Variants in FRG1 observed in about 807,000 individuals in gnomAD.
The protein encoded by FRG1 is protein FRG1.
In FRG1, 19 loss-of-function variants were observed where a neutral mutation model predicts 37.0. The ratio of observed to expected loss-of-function variants is 0.51; its 90% CI spans 0.36 to 0.75. The LOEUF (loss-of-function observed/expected upper bound fraction) is 0.75. Among genes scored for constraint, FRG1 ranks in the 30% least tolerant of loss-of-function variants. FRG1 has a pLI of 0.00. For synonymous variants in FRG1, 73 were observed against 96.5 expected, an observed-to-expected ratio of 0.76 and a Z score of 1.43; for missense variants, 243 against 301.4, an observed-to-expected ratio of 0.81 and a Z score of 1.44.
At chr4:189,958,153 C>T (rs1737069106) in intron 6 of FRG1, among the ~76,000 whole-genome samples, 1 of 151,902 alleles carries the variant, frequency 6.6e-6, no homozygotes, top group Non-Finnish European at 1.5e-5. Flanking sequence ...TCTCAACAGC[C>T]ACATAATATT....
At chr4:189,952,769 C>A (rs907113752) in intron 3 of FRG1, among the ~76,000 whole-genome samples, 4 of 144,978 alleles carry the variant, frequency 2.8e-5, no homozygotes, top group Non-Finnish European at 6.2e-5. Context: ...AAGCATTTAG[C>A]TTTTTAAATA....
chr4:189,961,978 A>C, intron 8 of FRG1, 46 bp downstream of exon 8: 1 of 970,886 alleles, frequency 1.0e-6, no homozygotes, highest in Non-Finnish European at 1.6e-6. Context: ...TAGCCAATAG[A>C]AATGGCATGT....
intron 7 of FRG1, chr4:189,961,461 G>T (rs1332124848): frequency 6.1e-6 from 1 of 163,656 alleles, no homozygotes; most frequent in Non-Finnish European, 1.3e-5. Context: ...AGACTAGAGT[G>T]CCATGGCGCG....
At chr4:189,946,707 A>G (rs577772959) in intron 2 of FRG1, among the ~76,000 whole-genome samples, 2 of 152,270 alleles carry the variant, frequency 1.3e-5, no homozygotes, top group East Asian at 1.9e-4. Context: ...TTTAATTTCT[A>G]CTACATAGAG....
chr4:189,952,633 C>T (rs367662589), intron 3 of FRG1, among the ~76,000 whole-genome samples: 3 of 151,874 alleles, frequency 2.0e-5, no homozygotes, highest in African/African-American at 4.8e-5. Flanking sequence ...AACCTGGGTG[C>T]GTTTAACAGT....
intron 2 of FRG1, among the ~76,000 whole-genome samples, chr4:189,945,867 C>G (rs1408350274): frequency 6.6e-6 from 1 of 152,048 alleles, no homozygotes; most frequent in Non-Finnish European, 1.5e-5. Context: ...TAGAATTCAC[C>G]AGTGAAGTCA....
At chr4:189,946,563 T>C (rs1441069407) in intron 2 of FRG1, among the ~76,000 whole-genome samples, 1 of 152,194 alleles carries the variant, frequency 6.6e-6, no homozygotes, top group East Asian at 1.9e-4. Flanking sequence ...GGGAGTTAGA[T>C]CTCTTCATTC....
rs111836485 is a variant in FRG1, at chr4:189,946,250, A to G, written c.133+2978A>G. Among the ~76,000 whole-genome samples, 97 of 151,554 alleles carry G rather than the reference A, an allele frequency of 6.4e-4. 1 individual carries two copies. The highest frequency in any genetic ancestry group is 1.9e-3 in the African/African-American group (80 of 41,342). On this transcript the variant is annotated intron_variant, in intron 2 of 8. Transcript: ENST00000226798. ...AATCTTTTAGCTTCCCTGGGCCACA[A>G]TGAAAGGAGAGGAATTGTCTTGGGC... is the stretch of plus-strand genomic sequence containing the variant.
intron 5 of FRG1, 50 bp downstream of exon 5, chr4:189,955,201 T>A (rs763970390): frequency 7.3e-6 from 8 of 1,100,670 alleles, no homozygotes; most frequent in Non-Finnish European, 1.1e-5. Flanking sequence ...TAACAGAAAG[T>A]CTGTTAACAG....
At chr4:189,946,689 A>G (rs7376021) in intron 2 of FRG1, among the ~76,000 whole-genome samples, 2 of 152,118 alleles carry the variant, frequency 1.3e-5, no homozygotes, top group African/African-American at 4.8e-5. Flanking sequence ...ATTTAAAAGT[A>G]TATTGTTTTT....
intron 2 of FRG1, among the ~76,000 whole-genome samples, chr4:189,950,383 T>C (rs375385900): frequency 1.3e-5 from 2 of 152,306 alleles, no homozygotes; most frequent in East Asian, 3.9e-4. Flanking sequence ...TGAAGTCCAG[T>C]TTGTCCACGT....
intron 2 of FRG1, among the ~76,000 whole-genome samples, chr4:189,945,698 A>G (rs572759323): frequency 0.038 from 5,731 of 151,498 alleles, 136 homozygotes; most frequent in Non-Finnish European, 0.06. Context: ...TTGATGGGAG[A>G]TATTGGACTT....
chr4:189,957,935 CTTTG>C (rs1465155348), intron 6 of FRG1, among the ~76,000 whole-genome samples: 2 of 152,150 alleles, frequency 1.3e-5, no homozygotes, highest in East Asian at 3.9e-4. Context: ...TCGTCTTTCC[CTTTG>C]TTTTTTTATA....
In FRG1 at chr4:189,961,903, T is replaced by A. The variant is rs144871207; in HGVS notation, c.711T>A (p.Asp237Glu). Residue 237 changes from aspartate (D) to glutamate (E), a missense_variant, in exon 8 of 9, where the codon GAT becomes GAA. By Grantham distance (45) the Asp-to-Glu change is conservative. Coordinates refer to ENST00000226798, the MANE Select transcript of FRG1 (RefSeq NM_004477.3). Reference protein sequence around the residue: ...DSKILKKARKDGFLHETLLDR... With the variant: ...DSKILKKARKEGFLHETLLDR... The stretch of plus-strand genomic sequence containing the variant: ...AAATTCTTAAAAAGGCTCGGAAAGA[T>A]GGATTTTTGCATGAGACGCTTCTGG... The A allele has an allele frequency of 2.5e-6, 4 of 1,594,746 alleles. No individual in the cohort carries two copies. The highest frequency in any genetic ancestry group is 3.4e-6 in the Non-Finnish European group (4 of 1,170,026).
At chr4:189,950,813 T>C (rs374639930) in intron 2 of FRG1, among the ~76,000 whole-genome samples, 1 of 152,170 alleles carries the variant, frequency 6.6e-6, no homozygotes, top group African/African-American at 2.4e-5. Context: ...ACATTTTTTC[T>C]TAGAAAATTT....
rs1192547346 is a variant in FRG1 at position 189,947,430 on chromosome 4, T to C, written c.133+4158T>C. ...TAAATGTCTTGATGCCTAGTCAAAT[T>C]ATTTGACCACCCTTTTGCTCCTGTC... is the stretch of plus-strand genomic sequence containing the variant. On this transcript the variant is annotated intron_variant, in intron 2 of 8. Coordinates refer to ENST00000226798, the MANE Select transcript of FRG1 (RefSeq NM_004477.3). 2.0e-5 allele frequency among the ~76,000 whole-genome samples: 3 copies of C among 152,250 alleles called. No homozygotes were observed. In the East Asian group the frequency reaches 5.8e-4, roughly 29 times the overall value.
chr4:189,941,319 C>T (rs766273661), intron 1 of FRG1, among the ~76,000 whole-genome samples: 12 of 152,062 alleles, frequency 7.9e-5, no homozygotes, highest in Admixed American at 7.9e-4. Context: ...CCCGTACCCA[C>T]GAGTTTGGGT....
chr4:189,956,502 G>T (rs72722576), intron 5 of FRG1, among the ~76,000 whole-genome samples: 1 of 152,240 alleles, frequency 6.6e-6, no homozygotes, highest in South Asian at 2.1e-4. Context: ...TATTGCAAAA[G>T]GGACTCAGCT....
chr4:189,947,695 C>T (rs571291945), intron 2 of FRG1, among the ~76,000 whole-genome samples: 1 of 152,374 alleles, frequency 6.6e-6, no homozygotes, highest in African/African-American at 2.4e-5. Flanking sequence ...CTGCTGCATG[C>T]ACTCCCCCCA....
Sources: allele counts gnomAD v4.1 joint callset (sites outside exome capture counted in the v4.1 genomes callset), GRCh38; gene constraint gnomAD v4.1.1; transcripts MANE v1.5; gene names NCBI Gene and HGNC (gene_info 2026-07-23, HGNC 2026-07-21).